The following LIMD1 variants were observed in gnomAD, a reference collection of about 807,000 sequenced individuals.
LIMD1 encodes the protein LIM domain containing 1, also known as LIM domain-containing protein 1.
LIMD1 carries 23 observed loss-of-function variants against 58.4 expected under a neutral mutation model. That is an observed-to-expected ratio of 0.39 (90% CI 0.28 to 0.56). The LOEUF is 0.56. Among genes scored for constraint, LIMD1 ranks in the 20% least tolerant of loss-of-function variants. The pLI, the probability that LIMD1 is intolerant of heterozygous loss-of-function variation, is 0.57. For synonymous variants in LIMD1, 334 were observed against 345.5 expected, an observed-to-expected ratio of 0.97 and a Z score of 0.37; for missense variants, 838 against 855.5, an observed-to-expected ratio of 0.98 and a Z score of 0.25.
intron 1 of LIMD1, among the ~76,000 whole-genome samples, chr3:45,619,824 C>G (rs1701613251): frequency 2.7e-5 from 1 of 36,704 alleles, no homozygotes; most frequent in Admixed American, 2.0e-4. Context: ...ATAACCAACC[C>G]CCCGCCCCCC....
At chr3:45,674,489 G>C in intron 7 of LIMD1, 78 bp downstream of exon 7, 1 of 1,108,104 alleles carries the variant, frequency 9.0e-7, no homozygotes, top group Non-Finnish European at 1.4e-6. Flanking sequence ...ACTGGGGCAA[G>C]AGGCAGTCAA....
intron 7 of LIMD1, 54 bp downstream of exon 7, chr3:45,674,465 A>G: frequency 7.0e-7 from 1 of 1,432,536 alleles, no homozygotes; most frequent in South Asian, 1.2e-5. Flanking sequence ...CCAAGAGAAA[A>G]GCATCCTGCG....
At chr3:45,634,106 A>G (rs1243650404) in intron 1 of LIMD1, among the ~76,000 whole-genome samples, 2 of 152,228 alleles carry the variant, frequency 1.3e-5, no homozygotes, top group Admixed American at 6.5e-5. Context: ...GAACATATTC[A>G]AACACTTTTT....
chr3:45,622,266 T>TG (rs1037079685), intron 1 of LIMD1, among the ~76,000 whole-genome samples: 1 of 152,120 alleles, frequency 6.6e-6, no homozygotes, highest in Non-Finnish European at 1.5e-5. Context: ...ACATCTATTT[T>TG]GGGGAGAATT....
chr3:45,594,811 A>ACACACACACAG lies in LIMD1; in HGVS notation c.-59_-58insGCACACACACA, dbSNP rs1553642019. 4.4e-5 allele frequency: 34 copies of ACACACACACAG among 771,548 alleles called. 1 individual carries two copies. The African/African-American group carries it at 5.8e-4, about 13-fold the overall frequency. The allele number at this position is 771,548 out of a possible 1,614,324, so 47.8% of individuals were successfully genotyped here. A position where few individuals can be genotyped will look rare whatever the true frequency, so the allele number is the denominator to read the frequency against. On this transcript the variant is annotated 5_prime_UTR_variant, in exon 1 of 8. Transcript: ENST00000273317. ...CACACACACACACACACACACACACACACACACACACACACACACACACAC... is the reference window on the plus strand; with the variant it reads ...CACACACACACACACACACACACACACACACACACAGCACACACACACACACACACACACAC...
intron 3 of LIMD1, among the ~76,000 whole-genome samples, chr3:45,668,080 G>C (rs1483089893): frequency 6.6e-6 from 1 of 152,204 alleles, no homozygotes; most frequent in African/African-American, 2.4e-5. Context: ...CACAGTCATT[G>C]TTAGAGTGAG....
rs762816728 is a variant in LIMD1, at chr3:45,595,826, C to T, written c.947C>T (p.Ser316Leu). ...CAAGGAGGTCTTCCAAGATCAAACT[C>T]GGGGCTGGGGGGTGAGGTTTCAGGT... is the stretch of plus-strand genomic sequence containing the variant. ...PRQGGLPRSN[S>L]GLGGEVSGVM... Residue 316 changes from serine (S) to leucine (L), a missense_variant, in exon 1 of 8, where the codon TCG (serine) becomes TTG (leucine). Ser to Leu is a moderately radical substitution (Grantham distance 145). This residue lies in a region of LIMD1 where 659 missense variants were observed against 639.8 expected (regional missense o/e 1.03). Coordinates refer to ENST00000273317, the MANE Select transcript of LIMD1 (RefSeq NM_014240.3). The T allele has an allele frequency of 5.0e-5, 80 of 1,614,172 alleles. No individual in the cohort carries two copies. The East Asian group carries it at 1.4e-3, about 27-fold the overall frequency.
intron 1 of LIMD1, among the ~76,000 whole-genome samples, chr3:45,632,896 G>T (rs778524014): frequency 1.3e-5 from 2 of 152,190 alleles, no homozygotes; most frequent in Non-Finnish European, 2.9e-5. Context: ...TGACGAGACC[G>T]CTTAAAGGAG....
intron 1 of LIMD1, among the ~76,000 whole-genome samples, chr3:45,609,337 A>G (rs1269289458): frequency 6.6e-6 from 1 of 152,240 alleles, no homozygotes. Context: ...AGGGAATTTC[A>G]GTCGGTCAGC....
At chr3:45,603,767 G>A (rs995432190) in intron 1 of LIMD1, among the ~76,000 whole-genome samples, 1 of 152,182 alleles carries the variant, frequency 6.6e-6, no homozygotes, top group East Asian at 1.9e-4. Flanking sequence ...CTCCCAAAGT[G>A]CTGGGATTAC....
In LIMD1 at chr3:45,653,922, A is replaced by AG. The variant is rs1302251409; in HGVS notation, c.1511-11728_1511-11727insG. Among the ~76,000 whole-genome samples, 36 of 143,518 alleles carry AG rather than the reference A, an allele frequency of 2.5e-4. No individual in the cohort carries two copies. In the South Asian group the frequency reaches 4.7e-3, roughly 19 times the overall value. The allele number at this position is 143,518 out of a possible 152,430, so 94.2% of individuals were successfully genotyped here. On this transcript the variant is annotated intron_variant, in intron 2 of 7. Transcript: ENST00000273317. Reference sequence around the variant, plus strand: ...AAGACTGTCTCAAAAAAAAAAAAAAAAAAAGAAAAAGAAAAAAAAAAAAGA... The same window carrying AG: ...AAGACTGTCTCAAAAAAAAAAAAAAAGAAAAGAAAAAGAAAAAAAAAAAAGA...
Position 45,595,198 on chromosome 3 carries a change from C to T in LIMD1, c.319C>T (p.Leu107Phe), listed in dbSNP as rs1243304828. The T allele has an allele frequency of 6.2e-7, 1 of 1,602,372 alleles. No individual in the cohort carries two copies. Among genetic ancestry groups the T allele is most frequent in the Non-Finnish European group, 8.5e-7 (1 of 1,174,232 alleles). The change falls in exon 1 of 8, where the codon CTT becomes TTT. Residue 107 changes from leucine (L) to phenylalanine (F), a missense_variant. Coordinates refer to ENST00000273317, the MANE Select transcript of LIMD1 (RefSeq NM_014240.3). ...TGTGGATGGTGCTGCCAAGCCTCCT[C>T]TTGCTGCCTCGACAGGGGCACCTGG... ...LTVDGAAKPP[L>F]AASTGAPGAV... is the part of the protein sequence containing the mutation.
intron 1 of LIMD1, among the ~76,000 whole-genome samples, chr3:45,603,644 C>T (rs1701440017): frequency 6.6e-6 from 1 of 152,170 alleles, no homozygotes; most frequent in South Asian, 2.1e-4. Context: ...GATGCCCAAT[C>T]CTTTAGACAT....
chr3:45,649,408 G>A lies in LIMD1; in HGVS notation c.1510+13157G>A, dbSNP rs563703825. Among the ~76,000 whole-genome samples, 19 of 151,018 alleles carry A rather than the reference G, an allele frequency of 1.3e-4. 1 individual carries two copies. The highest frequency in any genetic ancestry group is 4.1e-4 in the African/African-American group (17 of 41,154). On this transcript the variant is annotated intron_variant, in intron 2 of 7. Coordinates refer to ENST00000273317, the MANE Select transcript of LIMD1 (RefSeq NM_014240.3). ...TTAAAATATATTTTTTTGGCTGGGCGCGGTGGCTCACGCCTGTAATCCCAG... is the reference window on the plus strand; with the variant it reads ...TTAAAATATATTTTTTTGGCTGGGCACGGTGGCTCACGCCTGTAATCCCAG...
chr3:45,668,704 G>C (rs1697551027), intron 4 of LIMD1, among the ~76,000 whole-genome samples: 1 of 150,216 alleles, frequency 6.7e-6, no homozygotes. Context: ...AGTGAGCCAA[G>C]ATCACGCCAC....
chr3:45,635,810 A>G, intron 1 of LIMD1: 2 of 714,078 alleles, frequency 2.8e-6, no homozygotes, highest in Non-Finnish European at 3.4e-6. Context: ...TATTATAGTG[A>G]TGGTGCAATC....
At chr3:45,668,823 TTG>T (rs1454167487) in intron 4 of LIMD1, among the ~76,000 whole-genome samples, 1 of 152,160 alleles carries the variant, frequency 6.6e-6, no homozygotes, top group Non-Finnish European at 1.5e-5. Context: ...TTGGCTTTTA[TTG>T]GAATTAACAT....
At chr3:45,614,976 CT>C (rs1362448693) in intron 1 of LIMD1, among the ~76,000 whole-genome samples, 8 of 151,960 alleles carry the variant, frequency 5.3e-5, no homozygotes, top group African/African-American at 1.9e-4. Flanking sequence ...GATTTGGGGA[CT>C]TTAGTGAAAG....
At chr3:45,635,548 G>T (rs1157853020) in intron 1 of LIMD1, among the ~76,000 whole-genome samples, 1 of 151,884 alleles carries the variant, frequency 6.6e-6, no homozygotes, top group Non-Finnish European at 1.5e-5. Context: ...TGTAAAAATT[G>T]AGGTTACTAA....
Sources: gnomAD v4.1 joint callset for allele counts (sites outside exome capture counted in the v4.1 genomes callset) on GRCh38, gnomAD v4.1.1 for gene constraint, gnomAD v4.1.1 regional missense constraint, MANE v1.5 for transcripts, NCBI Gene and HGNC (gene_info 2026-07-23, HGNC 2026-07-21) for gene names.